IGFBP1: variants seen among roughly 807,000 people sequenced by gnomAD.
IGFBP1 encodes insulin like growth factor binding protein 1, also known as insulin-like growth factor-binding protein 1.
In IGFBP1, 31 loss-of-function variants were observed where a neutral mutation model predicts 23.1. The ratio of observed to expected loss-of-function variants is 1.34; its 90% confidence interval spans 1.01 to 1.81. The LOEUF is 1.81. Among genes scored for constraint, IGFBP1 ranks in the 40% most tolerant of loss-of-function variants. The probability of loss-of-function intolerance (pLI) is 0.00; values close to 1 mark genes in which losing one functional copy is unlikely to be tolerated. For missense variants in IGFBP1, 333 were observed against 342.2 expected (o/e 0.97, Z 0.21); for synonymous variants, 148 against 145.5 (o/e 1.02, Z -0.13).
At chr7:45,889,927 C>G (rs1268808563) in intron 1 of IGFBP1, among the ~76,000 whole-genome samples, 1 of 152,152 alleles carries the variant, frequency 6.6e-6, no homozygotes, top group East Asian at 1.9e-4. Context: ...CACAGGGGGT[C>G]CCTTATAGGC....
intron 1 of IGFBP1, 132 bp downstream of exon 1, chr7:45,889,133 C>G (rs1311576549): frequency 1.5e-6 from 1 of 671,358 alleles, no homozygotes; most frequent in African/African-American, 1.9e-5. Context: ...GAGCTTGAAA[C>G]CAGAGCACGT....
rs1415441502 is a variant in IGFBP1, at chr7:45,888,913, G to C, written c.261G>C (p.Leu87=). 6 of 1,503,078 alleles carry C rather than the reference G, an allele frequency of 4.0e-6. No individual in the cohort carries two copies. The highest frequency in any genetic ancestry group is 5.3e-6 in the Non-Finnish European group (6 of 1,136,638). The allele number at this position is 1,503,078 out of a possible 1,614,324, so 93.1% of individuals were successfully genotyped here. The change falls in exon 1 of 4, where the codon CTG becomes CTC. Residue 87 remains leucine, a synonymous_variant. Transcript: ENST00000275525. ...RCARGLSCRA[L]PGEQQPLHAL... ...CCCGGGGACTCAGTTGCCGCGCGCT[G>C]CCGGGGGAGCAGCAACCTCTGCACG...
At chr7:45,891,025 G>C (rs1371271008) in intron 2 of IGFBP1, among the ~76,000 whole-genome samples, 1 of 152,156 alleles carries the variant, frequency 6.6e-6, no homozygotes, top group African/African-American at 2.4e-5. Flanking sequence ...CTTAGTACAA[G>C]GGCCTAACTG....
rs949789829 is a variant in IGFBP1 at position 45,890,467 on chromosome 7, G to C, written c.350-81G>C. On this transcript the variant is annotated intron_variant, in intron 1 of 3. Coordinates refer to ENST00000275525, the MANE Select transcript of IGFBP1 (RefSeq NM_000596.4). ...CCTCATGGCCCAGCCTGGTTTTGAG[G>C]GAAGGAAGTGATCTCCTGGGGGCCC... is the stretch of plus-strand genomic sequence containing the variant. 2.0e-5 allele frequency: 29 copies of C among 1,456,260 alleles called. No individual in the cohort carries two copies. The South Asian group carries it at 3.8e-4, about 19-fold the overall frequency. 90.2% of individuals were successfully genotyped at this position (1,456,260 alleles called of 1,614,324 possible). A position where few individuals can be genotyped will look rare whatever the true frequency, so the allele number is the denominator to read the frequency against.
Position 45,893,632 on chromosome 7 carries a change from A to G in IGFBP1, c.*541A>G, listed in dbSNP as rs1787126097. The G allele has an allele frequency of 6.6e-6, 1 of 152,118 alleles. No homozygotes were observed. The highest frequency in any genetic ancestry group is 2.4e-5 in the African/African-American group (1 of 41,424). 9.4% of individuals were successfully genotyped at this position (152,118 alleles called of 1,614,324 possible). ...TGTTAAACACGTGTCTATAATGGAA[A>G]CATTTACAATAAATATTCTGCATGG... On this transcript the variant is annotated 3_prime_UTR_variant, in exon 4 of 4. Transcript: ENST00000275525.
rs1375740087 is a variant in IGFBP1 at position 45,890,696 on chromosome 7, C to T, written c.498C>T (p.Val166=). Residue 166 remains valine (V), a synonymous_variant, in exon 2 of 4, where the codon GTC becomes GTT. Transcript: ENST00000275525. ...STYDGSKALH[V]TNIKKWKEPC... Reference sequence around the variant, plus strand: ...ATGATGGCTCGAAGGCTCTCCATGTCACCAACATCAAAAAATGGAAGGTGA... The same window carrying T: ...ATGATGGCTCGAAGGCTCTCCATGTTACCAACATCAAAAAATGGAAGGTGA... 6.2e-7 allele frequency: 1 copy of T among 1,603,006 alleles called. No homozygotes were observed. Among genetic ancestry groups the T allele is most frequent in the Non-Finnish European group, 8.5e-7 (1 of 1,175,218 alleles).
chr7:45,892,518 A>T (rs1437859356), intron 3 of IGFBP1, among the ~76,000 whole-genome samples: 1 of 152,224 alleles, frequency 6.6e-6, no homozygotes, highest in Non-Finnish European at 1.5e-5. Flanking sequence ...CAGATAATAA[A>T]TGAGATCAAA....
chr7:45,891,963 T>C lies in IGFBP1; in HGVS notation c.551T>C (p.Val184Ala). Residue 184 changes from valine (V) to alanine (A), a missense_variant, in exon 3 of 4, where the codon GTA (valine) becomes GCA (alanine). By Grantham distance (64) the Val-to-Ala change is moderately conservative. Transcript: ENST00000275525. ...TGCCGAATAGAACTCTACAGAGTCGTAGAGAGTTTAGCCAAGGCACAGGAG... is the reference window on the plus strand; with the variant it reads ...TGCCGAATAGAACTCTACAGAGTCGCAGAGAGTTTAGCCAAGGCACAGGAG... ...EPCRIELYRV[V>A]ESLAKAQETS... 1 of 1,613,926 alleles carries C rather than the reference T, an allele frequency of 6.2e-7. No individual in the cohort carries two copies. Among genetic ancestry groups the C allele is most frequent in the South Asian group, 1.1e-5 (1 of 91,068 alleles).
intron 1 of IGFBP1, among the ~76,000 whole-genome samples, 189 bp downstream of exon 1, chr7:45,889,190 C>A (rs1471135523): frequency 6.6e-6 from 1 of 152,238 alleles, no homozygotes; most frequent in Non-Finnish European, 1.5e-5. Flanking sequence ...GCTCATTGCA[C>A]GGTCTTGGCA....
At chr7:45,889,047 C>G in intron 1 of IGFBP1, 46 bp downstream of exon 1, 1 of 1,377,176 alleles carries the variant, frequency 7.3e-7, no homozygotes, top group South Asian at 1.4e-5. Flanking sequence ...CCGCCCGCCC[C>G]CGCCCGGCAC....
rs765781399 is a variant in IGFBP1, at chr7:45,890,608, A to G, written c.410A>G (p.Asn137Ser). The change falls in exon 2 of 4, where the codon AAT becomes AGT. Residue 137 changes from asparagine (N) to serine (S), a missense_variant. Transcript: ENST00000275525. ...TEITEEELLD[N>S]FHLMAPSEED... ...ATAACTGAGGAGGAGCTCCTGGATA[A>G]TTTCCATCTGATGGCCCCTTCTGAA... 6.8e-6 allele frequency: 11 copies of G among 1,613,854 alleles called. No homozygotes were observed. In the East Asian group the frequency reaches 2.5e-4, roughly 36 times the overall value.
chr7:45,889,049 G>T (rs985709056), intron 1 of IGFBP1, 48 bp downstream of exon 1: 3 of 1,372,794 alleles, frequency 2.2e-6, no homozygotes, highest in African/African-American at 1.5e-5. Context: ...GCCCGCCCCC[G>T]CCCGGCACCT....
intron 1 of IGFBP1, 142 bp downstream of exon 1, chr7:45,889,143 T>G: frequency 1.6e-6 from 1 of 644,844 alleles, no homozygotes; most frequent in Non-Finnish European, 2.5e-6. Context: ...CCAGAGCACG[T>G]AGTTGGGGAA....
chr7:45,892,877 C>A, intron 3 of IGFBP1, 83 bp from the exon 4 acceptor site: 2 of 1,397,460 alleles, frequency 1.4e-6, no homozygotes, highest in Middle Eastern at 2.6e-4. Context: ...TGCTCGGCTG[C>A]ACTGAAAAAA....
Position 45,892,036 on chromosome 7 carries a change from G to C in IGFBP1, c.624G>C (p.Lys208Asn). The C allele has an allele frequency of 6.2e-7, 1 of 1,614,212 alleles. No individual in the cohort carries two copies. The highest frequency in any genetic ancestry group is 2.2e-5 in the East Asian group (1 of 44,892). Residue 208 changes from lysine (K) to asparagine (N), a missense_variant, in exon 3 of 4, where the codon AAG becomes AAC. Coordinates refer to ENST00000275525, the MANE Select transcript of IGFBP1 (RefSeq NM_000596.4). ...ISKFYLPNCNKNGFYHSRQCE... is the reference protein window; with the variant it reads ...ISKFYLPNCNNNGFYHSRQCE... ...AATTTTACCTGCCAAACTGCAACAA[G>C]AATGGATTTTATCACAGCAGACAGG...
In IGFBP1 at chr7:45,892,032, A is replaced by G; in HGVS notation, c.620A>G (p.Asn207Ser). The change falls in exon 3 of 4, where the codon AAC becomes AGC. Residue 207 changes from asparagine to serine, a missense_variant. Asn to Ser is a conservative substitution (Grantham distance 46). Transcript: ENST00000275525. ...EISKFYLPNC[N>S]KNGFYHSRQC... is the part of the protein sequence containing the mutation. ...TCCAAATTTTACCTGCCAAACTGCA[A>G]CAAGAATGGATTTTATCACAGCAGA... 6.2e-7 allele frequency: 1 copy of G among 1,614,260 alleles called. No individual in the cohort carries two copies. Among genetic ancestry groups the G allele is most frequent in the Non-Finnish European group, 8.5e-7 (1 of 1,180,048 alleles).
In IGFBP1 at chr7:45,893,111, C is replaced by T. The variant is rs72563789; in HGVS notation, c.*20C>T. ...AACTGAAACCAGATGAAATAATGTT[C>T]TGTCACGTGAAATATTTAAGTATAT... is the stretch of plus-strand genomic sequence containing the variant. On this transcript the variant is annotated 3_prime_UTR_variant, in exon 4 of 4. Coordinates refer to ENST00000275525, the MANE Select transcript of IGFBP1 (RefSeq NM_000596.4). 180 of 1,581,124 alleles carry T rather than the reference C, an allele frequency of 1.1e-4. No individual in the cohort carries two copies. The highest frequency in any genetic ancestry group is 1.3e-4 in the Non-Finnish European group (151 of 1,152,230).
Position 45,888,890 on chromosome 7 carries a change from C to A in IGFBP1, c.238C>A (p.Arg80=). Residue 80 remains arginine (R), a synonymous_variant, in exon 1 of 4, where the codon CGG becomes AGG. Transcript: ENST00000275525. ...ACGVATARCA[R]GLSCRALPGE... is the part of the protein sequence containing the mutation. ...CGGCGTGGCGACTGCACGCTGCGCC[C>A]GGGGACTCAGTTGCCGCGCGCTGCC... 1 of 1,503,076 alleles carries A rather than the reference C, an allele frequency of 6.7e-7. No homozygotes were observed. Among genetic ancestry groups the A allele is most frequent in the African/African-American group, 1.4e-5 (1 of 69,076 alleles). 93.1% of individuals were successfully genotyped at this position (1,503,076 alleles called of 1,614,324 possible). A position where few individuals can be genotyped will look rare whatever the true frequency, so the allele number is the denominator to read the frequency against.
chr7:45,890,985 G>A (rs997209757), intron 2 of IGFBP1, among the ~76,000 whole-genome samples: 1 of 152,198 alleles, frequency 6.6e-6, no homozygotes, highest in African/African-American at 2.4e-5. Context: ...TCTAAAGGGT[G>A]TGAGAACATT....
Sources: gnomAD v4.1 joint callset for allele counts (sites outside exome capture counted in the v4.1 genomes callset) on GRCh38, gnomAD v4.1.1 for gene constraint, MANE v1.5 for transcripts, NCBI Gene and HGNC (gene_info 2026-07-23, HGNC 2026-07-21) for gene names.